AMZ1: variants seen among roughly 807,000 people sequenced by gnomAD.
AMZ1 encodes the protein archaemetzincin-1.
AMZ1 carries 39 observed loss-of-function variants against 29.9 expected under a neutral mutation model. The observed-to-expected ratio is 1.30, with a 90% CI of 1.01 to 1.70. The LOEUF is 1.70. Among genes scored for constraint, AMZ1 ranks in the 40% most tolerant of loss-of-function variants. The probability of loss-of-function intolerance (pLI) is 0.00; values close to 1 mark genes in which losing one functional copy is unlikely to be tolerated. For synonymous variants in AMZ1, 458 were observed against 304.0 expected, an observed-to-expected ratio of 1.51 and a Z score of -5.27; for missense variants, 1,041 against 680.6, an observed-to-expected ratio of 1.53 and a Z score of -5.89.
chr7:2,700,100 C>T, intron 1 of AMZ1, 134 bp from the exon 2 acceptor site: 1 of 291,496 alleles, frequency 3.4e-6, no homozygotes, highest in Non-Finnish European at 6.5e-6. Context: ...CTGGAGGGGC[C>T]AGGGCTCCCT....
intron 4 of AMZ1, among the ~76,000 whole-genome samples, chr7:2,739,731 T>C (rs1266737573): frequency 6.6e-6 from 1 of 152,188 alleles, no homozygotes; most frequent in Admixed American, 6.5e-5. Context: ...CTGAGTGTAG[T>C]GGTGCGATCT....
chr7:2,680,116 C>T (rs1426891625), intron 1 of AMZ1, among the ~76,000 whole-genome samples: 4 of 151,956 alleles, frequency 2.6e-5, no homozygotes, highest in Admixed American at 6.6e-5. Flanking sequence ...CTGGGTGGGG[C>T]GGGCAGTTGA....
chr7:2,711,222 A>C (rs560132772), intron 6 of AMZ1, among the ~76,000 whole-genome samples: 36 of 152,220 alleles, frequency 2.4e-4, no homozygotes, highest in Middle Eastern at 6.8e-3. Flanking sequence ...TGTTGTAGGG[A>C]GGGCAGTGGT....
intron 1 of AMZ1, among the ~76,000 whole-genome samples, chr7:2,692,901 C>T (rs577785164): frequency 3.9e-5 from 6 of 152,346 alleles, no homozygotes; most frequent in East Asian, 3.9e-4. Flanking sequence ...TGGCCTCCTC[C>T]GGCTGTCCCC....
chr7:2,722,860 C>T (rs1789478974), downstream of AMZ1, among the ~76,000 whole-genome samples: 2 of 152,198 alleles, frequency 1.3e-5, no homozygotes, highest in Admixed American at 6.5e-5. Context: ...TGCCTGTGGT[C>T]CCAGCTACTT....
chr7:2,722,670 A>T (rs114195816), downstream of AMZ1, among the ~76,000 whole-genome samples: 3,452 of 152,342 alleles, frequency 0.023, 152 homozygotes, highest in African/African-American at 0.078. Context: ...TAAATTTTGC[A>T]TAGGCTTGTT....
chr7:2,698,912 C>G (rs144727417), intron 1 of AMZ1, among the ~76,000 whole-genome samples: 24 of 152,240 alleles, frequency 1.6e-4, no homozygotes, highest in Non-Finnish European at 2.8e-4. Flanking sequence ...TCTGGTTTTC[C>G]GGCTAGGACT....
chr7:2,754,661 A>G (rs566356892), intron 4 of AMZ1, among the ~76,000 whole-genome samples: 35 of 152,022 alleles, frequency 2.3e-4, no homozygotes, highest in Non-Finnish European at 3.7e-4. Flanking sequence ...GGACAAGAGG[A>G]CTGCTTGAGC....
In AMZ1 at chr7:2,719,263, CTGCACCACT is replaced by C. The variant is rs1207551130; in HGVS notation, c.*6388_*6396del. Among the ~76,000 whole-genome samples, 1 of 152,246 alleles carries C rather than the reference CTGCACCACT, an allele frequency of 6.6e-6. No homozygotes were observed. The highest frequency in any genetic ancestry group is 1.5e-5 in the Non-Finnish European group (1 of 68,044). On this transcript the variant is annotated 3_prime_UTR_variant, in exon 7 of 7. Coordinates refer to ENST00000683327, the MANE Select transcript of AMZ1 (RefSeq NM_001384743.1). ...GCCATCCTCCGGCCGCCTCTCCCGCCTGCACCACTTGGAGGCAGTTGTTTCACGTGGGGC... is the reference window on the plus strand; with the variant it reads ...GCCATCCTCCGGCCGCCTCTCCCGCCTGGAGGCAGTTGTTTCACGTGGGGC...
chr7:2,708,319 T>G (rs977583975), intron 3 of AMZ1, among the ~76,000 whole-genome samples: 6 of 152,160 alleles, frequency 3.9e-5, no homozygotes, highest in Non-Finnish European at 8.8e-5. Context: ...GCGCCAGTCT[T>G]GTTGGCCCGG....
intron 1 of AMZ1, among the ~76,000 whole-genome samples, chr7:2,688,799 C>G (rs1477973477): frequency 1.3e-5 from 2 of 152,148 alleles, no homozygotes; most frequent in Non-Finnish European, 2.9e-5. Flanking sequence ...GCTTCCTCCC[C>G]CAGGAGACTG....
chr7:2,729,301 G>T (rs7805092), intron 4 of AMZ1: 79,045 of 152,280 alleles, frequency 0.52, 22,638 homozygotes, highest in African/African-American at 0.77. Flanking sequence ...ACTGCAAATG[G>T]GACCTGAGAC....
At chr7:2,696,539 G>C (rs930529563) in intron 1 of AMZ1, among the ~76,000 whole-genome samples, 5 of 151,286 alleles carry the variant, frequency 3.3e-5, no homozygotes, top group South Asian at 2.1e-4. Flanking sequence ...TTACAGGCGT[G>C]AGCCACCGCA....
At chr7:2,693,162 C>T (rs930654309) in intron 1 of AMZ1, among the ~76,000 whole-genome samples, 13 of 151,904 alleles carry the variant, frequency 8.6e-5, no homozygotes, top group Admixed American at 2.0e-4. Context: ...AGTGCAGTGG[C>T]GCGATTTCGG....
chr7:2,685,854 A>AG (rs1787059740), upstream of AMZ1, among the ~76,000 whole-genome samples: 1 of 122,438 alleles, frequency 8.2e-6, no homozygotes, highest in African/African-American at 3.7e-5. Flanking sequence ...CTCCGTCTCA[A>AG]GAAAAAAAAA....
At chr7:2,737,569 G>A (rs1012803446) in intron 4 of AMZ1, among the ~76,000 whole-genome samples, 5 of 152,242 alleles carry the variant, frequency 3.3e-5, no homozygotes, top group South Asian at 2.1e-4. Context: ...GATTACAGGC[G>A]TGAGCCACAG....
chr7:2,753,459 G>C (rs1323449693), intron 4 of AMZ1, among the ~76,000 whole-genome samples: 1 of 152,176 alleles, frequency 6.6e-6, no homozygotes, highest in Non-Finnish European at 1.5e-5. Flanking sequence ...TTGGAAGTTG[G>C]CTTTTTTCAC....
intron 1 of AMZ1, among the ~76,000 whole-genome samples, 196 bp downstream of exon 1, chr7:2,688,492 C>T (rs1055465911): frequency 1.3e-5 from 2 of 152,082 alleles, no homozygotes; most frequent in African/African-American, 4.8e-5. Context: ...TTTGGTGCAG[C>T]GCCGCGCCGG....
intron 4 of AMZ1, among the ~76,000 whole-genome samples, chr7:2,743,669 G>C (rs1463771019): frequency 6.6e-6 from 1 of 152,162 alleles, no homozygotes; most frequent in Non-Finnish European, 1.5e-5. Context: ...CATCTCACTG[G>C]GGTGTGCCAG....
Sources: gnomAD v4.1 joint callset for allele counts (sites outside exome capture counted in the v4.1 genomes callset) on GRCh38, gnomAD v4.1.1 for gene constraint, MANE v1.5 for transcripts, NCBI Gene and HGNC (gene_info 2026-07-23, HGNC 2026-07-21) for gene names.